Variants in RERE observed in about 807,000 individuals in gnomAD.
RERE encodes arginine-glutamic acid dipeptide repeats.
In RERE, 40 loss-of-function variants were observed where a neutral mutation model predicts 146.1. The ratio of observed to expected loss-of-function variants is 0.27; its 90% CI spans 0.21 to 0.36. The LOEUF is 0.36. Ranked by LOEUF, RERE falls within the 10% of genes least tolerant of loss-of-function variation. The probability of loss-of-function intolerance (pLI) is 1.00; values close to 1 mark genes in which losing one functional copy is unlikely to be tolerated. For missense variants in RERE, 1,933 were observed against 2,138.7 expected (o/e 0.90, Z 1.90); for synonymous variants, 1,003 against 866.0 (o/e 1.16, Z -2.78).
intron 11 of RERE, among the ~76,000 whole-genome samples, chr1:8,459,289 G>A: frequency 6.6e-6 from 1 of 152,240 alleles, no homozygotes; most frequent in South Asian, 2.1e-4. Flanking sequence ...ATAATATGGA[G>A]TAATATGTAC....
At chr1:8,406,805 C>CT (rs201326143) in intron 12 of RERE, among the ~76,000 whole-genome samples, 3 of 48,982 alleles carry the variant, frequency 6.1e-5, no homozygotes, top group Non-Finnish European at 9.2e-5. Context: ...CAGTGAGGAT[C>CT]TTAAAAAACC....
rs59300030 is a variant in RERE at position 8,648,971 on chromosome 1, T to TAA, written c.325+7000_325+7001dup. On this transcript the variant is annotated intron_variant, in intron 2 of 22. Transcript: ENST00000400908. ...AGCAAGCAATACCAATATGCCAAAA[T>TAA]AAAAAAAAAAATCTCACAATAATAT... is the stretch of plus-strand genomic sequence containing the variant. Among the ~76,000 whole-genome samples the TAA allele has an allele frequency of 5.0e-3, 744 of 149,286 alleles. 5 individuals carry two copies. The highest frequency in any genetic ancestry group is 0.016 in the African/African-American group (632 of 40,746).
At chr1:8,717,422 T>C (rs887522976) in intron 1 of RERE, among the ~76,000 whole-genome samples, 1 of 152,186 alleles carries the variant, frequency 6.6e-6, no homozygotes, top group Non-Finnish European at 1.5e-5. Context: ...ACTTCACGAG[T>C]TCATTAATAA....
intron 11 of RERE, among the ~76,000 whole-genome samples, chr1:8,444,391 T>C (rs1420022170): frequency 1.3e-5 from 2 of 152,216 alleles, no homozygotes; most frequent in Non-Finnish European, 2.9e-5. Flanking sequence ...AATAACTTGT[T>C]TTTGATTTTA....
At chr1:8,641,394 A>G (rs1310718907) in intron 2 of RERE, among the ~76,000 whole-genome samples, 1 of 152,248 alleles carries the variant, frequency 6.6e-6, no homozygotes, top group African/African-American at 2.4e-5. Flanking sequence ...TAATTGAGCC[A>G]GCTAAAGCTA....
rs112856840 is a variant in RERE at position 8,376,973 on chromosome 1, A to C, written c.1285-10999T>G. 1.5e-3 allele frequency among the ~76,000 whole-genome samples: 227 copies of C among 152,382 alleles called. 1 individual carries two copies. Among genetic ancestry groups the C allele is most frequent in the African/African-American group, 4.9e-3 (204 of 41,594 alleles). On this transcript the variant is annotated intron_variant, in intron 12 of 22. Transcript: ENST00000400908. ...TATATTCATTGATCAAGCAATAGAT[A>C]ACTATTGGTTTCCTTGTTTGTTTGT...
intron 12 of RERE, 139 bp from the exon 13 acceptor site, chr1:8,366,113 G>T: frequency 2.1e-6 from 2 of 940,580 alleles, no homozygotes; most frequent in Non-Finnish European, 3.1e-6. Flanking sequence ...TCCTGGAGTT[G>T]GGAGAGGAAC....
At chr1:8,368,483 GAA>G (rs70990563) in intron 12 of RERE, among the ~76,000 whole-genome samples, 54 of 76,344 alleles carry the variant, frequency 7.1e-4, no homozygotes, top group East Asian at 1.2e-3. Context: ...CAAAGAAAAA[GAA>G]AAAAAAAAAA....
At chr1:8,607,046 T>C (rs894216002) in intron 4 of RERE, among the ~76,000 whole-genome samples, 7 of 152,072 alleles carry the variant, frequency 4.6e-5, no homozygotes, top group Non-Finnish European at 7.4e-5. Flanking sequence ...TCTTCTTCCA[T>C]TGAAGGCCTT....
chr1:8,681,520 T>C (rs1303017884), intron 1 of RERE, among the ~76,000 whole-genome samples: 1 of 152,204 alleles, frequency 6.6e-6, no homozygotes, highest in Admixed American at 6.5e-5. Context: ...AATTATTCCA[T>C]ATATACTGTT....
chr1:8,537,002 A>C (rs1168398549), intron 7 of RERE, among the ~76,000 whole-genome samples: 1 of 152,136 alleles, frequency 6.6e-6, no homozygotes, highest in African/African-American at 2.4e-5. Context: ...CAGGATTTAG[A>C]GACCAGCCTG....
At chr1:8,656,694 T>G (rs1638322682) in intron 1 of RERE, among the ~76,000 whole-genome samples, 1 of 152,210 alleles carries the variant, frequency 6.6e-6, no homozygotes, top group South Asian at 2.1e-4. Flanking sequence ...CCACCTTACA[T>G]GTTTTCTCCT....
intron 1 of RERE, among the ~76,000 whole-genome samples, chr1:8,737,722 C>T (rs1479614937): frequency 1.3e-5 from 2 of 152,054 alleles, no homozygotes; most frequent in African/African-American, 4.8e-5. Flanking sequence ...AGGTGTGAGC[C>T]ACCACACGTG....
At chr1:8,714,065 T>A (rs1249859172) in intron 1 of RERE, among the ~76,000 whole-genome samples, 2 of 152,222 alleles carry the variant, frequency 1.3e-5, no homozygotes, top group Non-Finnish European at 2.9e-5. Context: ...TAAAGTGCTT[T>A]AAAATACAAA....
intron 12 of RERE, among the ~76,000 whole-genome samples, chr1:8,382,781 C>G (rs1319738112): frequency 6.6e-6 from 1 of 152,120 alleles, no homozygotes. Flanking sequence ...AAAACCACCA[C>G]AGGAAGGTTA....
chr1:8,466,282 A>G (rs1420292336), intron 10 of RERE, among the ~76,000 whole-genome samples: 2 of 152,308 alleles, frequency 1.3e-5, no homozygotes, highest in South Asian at 2.1e-4. Context: ...ATTCCCCTAT[A>G]TTCCCATAAA....
intron 12 of RERE, among the ~76,000 whole-genome samples, chr1:8,387,162 A>G (rs772956950): frequency 6.6e-6 from 1 of 152,210 alleles, no homozygotes; most frequent in Non-Finnish European, 1.5e-5. Flanking sequence ...GCTTAGAAAC[A>G]GATTCACACT....
chr1:8,689,220 G>T (rs1434590135), intron 1 of RERE, among the ~76,000 whole-genome samples: 1 of 152,046 alleles, frequency 6.6e-6, no homozygotes, highest in East Asian at 1.9e-4. Context: ...TCAGAATGAA[G>T]GGCAGAATTA....
chr1:8,494,975 C>G, intron 10 of RERE, 88 bp downstream of exon 10: 2 of 976,066 alleles, frequency 2.0e-6, no homozygotes, highest in Middle Eastern at 2.4e-4. Flanking sequence ...CAGGCGACTT[C>G]ATGCTCCGCA....
Sources: allele counts gnomAD v4.1 joint callset (sites outside exome capture counted in the v4.1 genomes callset), GRCh38; gene constraint gnomAD v4.1.1; transcripts MANE v1.5; gene names NCBI Gene and HGNC (gene_info 2026-07-23, HGNC 2026-07-21).